Variants in BTBD9 observed in about 807,000 individuals in gnomAD.
BTBD9 encodes BTB domain containing 9.
A neutral mutation model predicts 64.3 loss-of-function variants in BTBD9; 49 were observed. The observed-to-expected ratio is 0.76, with a 90% CI of 0.61 to 0.97. The LOEUF (loss-of-function observed/expected upper bound fraction) is 0.97. Ranked by LOEUF, BTBD9 falls within the 50% of genes least tolerant of loss-of-function variation. The pLI, the probability that BTBD9 is intolerant of heterozygous loss-of-function variation, is 0.00. For synonymous variants in BTBD9, 260 were observed against 274.7 expected (o/e 0.95, Z 0.53); for missense variants, 598 against 762.1 (o/e 0.78, Z 2.53).
At chr6:38,393,426 A>C (rs947111062) in intron 6 of BTBD9, among the ~76,000 whole-genome samples, 1 of 152,138 alleles carries the variant, frequency 6.6e-6, no homozygotes, top group Non-Finnish European at 1.5e-5. Flanking sequence ...CCACAATAGT[A>C]GGTCAATTTT....
At chr6:38,364,021 C>A (rs1483887312) in intron 6 of BTBD9, among the ~76,000 whole-genome samples, 1 of 152,054 alleles carries the variant, frequency 6.6e-6, no homozygotes, top group African/African-American at 2.4e-5. Context: ...GGGGGTTACA[C>A]TAGCCAGGTA....
intron 6 of BTBD9, among the ~76,000 whole-genome samples, chr6:38,446,773 T>G (rs1769296226): frequency 6.6e-6 from 1 of 152,228 alleles, no homozygotes; most frequent in Non-Finnish European, 1.5e-5. Context: ...CCTAAGGTCA[T>G]ATAGTTGAAC....
rs1480824040 is a variant in BTBD9, at chr6:38,172,103, G to A, written c.*2882C>T. ...GCTTGTTGCCCCTGGGGCTGGCCTG[G>A]GCATGGGGGAGCTTATCTCCCCGAC... On this transcript the variant is annotated 3_prime_UTR_variant, in exon 11 of 11. Coordinates refer to ENST00000481247, the MANE Select transcript of BTBD9 (RefSeq NM_001099272.2). The A allele has an allele frequency of 6.6e-6, 1 of 152,224 alleles. No individual in the cohort carries two copies. The highest frequency in any genetic ancestry group is 1.5e-5 in the Non-Finnish European group (1 of 68,164). The allele number at this position is 152,224 out of a possible 1,614,324, so 9.4% of individuals were successfully genotyped here. A position where few individuals can be genotyped will look rare whatever the true frequency, so the allele number is the denominator to read the frequency against.
intron 6 of BTBD9, among the ~76,000 whole-genome samples, chr6:38,572,937 G>A (rs1000475035): frequency 6.6e-6 from 1 of 151,768 alleles, no homozygotes; most frequent in Non-Finnish European, 1.5e-5. Flanking sequence ...ATGGCAAAAA[G>A]TACCAATAAA....
Position 38,394,668 on chromosome 6 carries a change from A to G in BTBD9, c.1155-49575T>C, listed in dbSNP as rs535405517. Among the ~76,000 whole-genome samples, 1,069 of 145,386 alleles carry G rather than the reference A, an allele frequency of 7.4e-3. 13 individuals carry two copies. The highest frequency in any genetic ancestry group is 0.026 in the African/African-American group (1,030 of 39,020). ...GTCTGACTTTCAAGTCTAGGGGGGA[A>G]AAAAAAAAACATGGCAGCTGCTGCT... On this transcript the variant is annotated intron_variant, in intron 6 of 10. Coordinates refer to ENST00000481247, the MANE Select transcript of BTBD9 (RefSeq NM_001099272.2).
At chr6:38,385,356 AT>A (rs1409544680) in intron 6 of BTBD9, among the ~76,000 whole-genome samples, 1 of 151,278 alleles carries the variant, frequency 6.6e-6, no homozygotes, top group Non-Finnish European at 1.5e-5. Context: ...CACCTGGCTA[AT>A]TTTTGTATTT....
chr6:38,360,087 C>A (rs191991005), intron 6 of BTBD9, among the ~76,000 whole-genome samples: 34 of 152,206 alleles, frequency 2.2e-4, no homozygotes, highest in African/African-American at 8.2e-4. Flanking sequence ...AACGTTTTTA[C>A]AGCTTAAATT....
At chr6:38,522,530 A>C (rs1773317165) in intron 6 of BTBD9, among the ~76,000 whole-genome samples, 1 of 152,310 alleles carries the variant, frequency 6.6e-6, no homozygotes, top group South Asian at 2.1e-4. Context: ...GTCTTCTCCC[A>C]GTTCTTTGGC....
intron 7 of BTBD9, among the ~76,000 whole-genome samples, chr6:38,322,571 G>T (rs1407718090): frequency 6.6e-6 from 1 of 152,202 alleles, no homozygotes; most frequent in Non-Finnish European, 1.5e-5. Context: ...CCAACTGGTA[G>T]TAAAAAGGTA....
intron 6 of BTBD9, among the ~76,000 whole-genome samples, chr6:38,423,367 C>G (rs1323874169): frequency 1.3e-5 from 2 of 152,058 alleles, no homozygotes; most frequent in Non-Finnish European, 2.9e-5. Flanking sequence ...TACAGTGGCA[C>G]GATCTCAGCT....
chr6:38,616,516 G>C lies in BTBD9; in HGVS notation c.-27-18395C>G, dbSNP rs74828216. ...TCTAATAGTCCCAGCTACTCGGAAA[G>C]TTGAGGTGGGAGTGGGAGGTGAGGC... is the stretch of plus-strand genomic sequence containing the variant. On this transcript the variant is annotated intron_variant, in intron 1 of 10. Coordinates refer to ENST00000481247, the MANE Select transcript of BTBD9 (RefSeq NM_001099272.2). Among the ~76,000 whole-genome samples, 238 of 152,252 alleles carry C rather than the reference G, an allele frequency of 1.6e-3. 5 individuals are homozygous for C. In the East Asian group the frequency reaches 0.042, roughly 27 times the overall value.
chr6:38,596,467 T>C (rs1164829789), intron 2 of BTBD9, among the ~76,000 whole-genome samples: 1 of 152,160 alleles, frequency 6.6e-6, no homozygotes, highest in Non-Finnish European at 1.5e-5. Context: ...ACTGTACTAA[T>C]AAACAATAAA....
At chr6:38,327,658 G>C (rs560474560) in intron 7 of BTBD9, among the ~76,000 whole-genome samples, 1 of 152,270 alleles carries the variant, frequency 6.6e-6, no homozygotes, top group Non-Finnish European at 1.5e-5. Flanking sequence ...GAAACCATCA[G>C]CACAATCCAG....
intron 6 of BTBD9, among the ~76,000 whole-genome samples, chr6:38,407,481 G>A (rs959187524): frequency 3.3e-5 from 5 of 152,172 alleles, no homozygotes; most frequent in Middle Eastern, 6.8e-3. Context: ...GGATCAGGAC[G>A]AGAAGCAGAC....
rs151006734 is a variant in BTBD9, at chr6:38,553,990, C to T, written c.1154+23610G>A. ...AAAACACACTATTTACTAGTTTAGC[C>T]GTCTCAGTGTCAACTTTTCAACATT... On this transcript the variant is annotated intron_variant, in intron 6 of 10. Coordinates refer to ENST00000481247, the MANE Select transcript of BTBD9 (RefSeq NM_001099272.2). 3.9e-4 allele frequency among the ~76,000 whole-genome samples: 60 copies of T among 152,180 alleles called. 1 individual carries two copies. In the East Asian group the frequency reaches 9.8e-3, roughly 25 times the overall value.
intron 6 of BTBD9, among the ~76,000 whole-genome samples, chr6:38,365,166 G>A (rs910744962): frequency 3.9e-5 from 6 of 152,036 alleles, no homozygotes; most frequent in Non-Finnish European, 5.9e-5. Flanking sequence ...CAGGCACTAC[G>A]CTAAGCACCT....
chr6:38,414,797 T>C (rs2127264994), intron 6 of BTBD9, among the ~76,000 whole-genome samples: 1 of 152,342 alleles, frequency 6.6e-6, no homozygotes, highest in East Asian at 1.9e-4. Context: ...CCCTTTATGC[T>C]GTCCCATAAA....
At chr6:38,478,355 A>G (rs1245211324) in intron 6 of BTBD9, among the ~76,000 whole-genome samples, 1 of 152,226 alleles carries the variant, frequency 6.6e-6, no homozygotes, top group African/African-American at 2.4e-5. Context: ...CATCTGACAC[A>G]TCCATTTACT....
chr6:38,457,199 T>C (rs560434512), intron 6 of BTBD9, among the ~76,000 whole-genome samples: 7 of 152,246 alleles, frequency 4.6e-5, no homozygotes, highest in South Asian at 2.1e-4. Flanking sequence ...TAAGGTCACA[T>C]AGGCCTTGGA....
Sources: allele counts gnomAD v4.1 joint callset (sites outside exome capture counted in the v4.1 genomes callset), GRCh38; gene constraint gnomAD v4.1.1; transcripts MANE v1.5; gene names NCBI Gene and HGNC (gene_info 2026-07-23, HGNC 2026-07-21).